PRR16: variants seen among roughly 807,000 people sequenced by gnomAD.
The protein encoded by PRR16 is proline rich 16, also known as protein Largen.
Under a neutral mutation model 18.2 loss-of-function variants are expected in PRR16, and 6 were observed. The observed-to-expected ratio is 0.33, with a 90% CI of 0.18 to 0.65. The LOEUF (loss-of-function observed/expected upper bound fraction) is 0.65, where lower values mean the gene tolerates loss of function less well. Ranked by LOEUF, PRR16 falls within the 30% of genes least tolerant of loss-of-function variation. The pLI is 0.74. For missense variants in PRR16, 412 were observed against 376.6 expected, an observed-to-expected ratio of 1.09 and a Z score of -0.78; for synonymous variants, 151 against 147.8, an observed-to-expected ratio of 1.02 and a Z score of -0.16.
chr5:120,516,782 AT>A (rs1003169794), intron 1 of PRR16, among the ~76,000 whole-genome samples: 3 of 152,150 alleles, frequency 2.0e-5, no homozygotes, highest in African/African-American at 7.2e-5. Context: ...AGGCAGAGAT[AT>A]TTTGCACCAT....
the PRR16 span, among the ~76,000 whole-genome samples, chr5:120,754,552 A>G: frequency 1.3e-5 from 1 of 74,340 alleles, no homozygotes; most frequent in East Asian, 5.2e-4. Context: ...ATTATATATA[A>G]TATATATTAT....
the PRR16 span, among the ~76,000 whole-genome samples, chr5:120,758,661 T>C: frequency 6.6e-6 from 1 of 152,054 alleles, no homozygotes; most frequent in Non-Finnish European, 1.5e-5. Flanking sequence ...ACTCTCTCTC[T>C]CCTGCTGCCA....
chr5:120,682,230 T>G, intron 1 of PRR16, among the ~76,000 whole-genome samples: 1 of 152,194 alleles, frequency 6.6e-6, no homozygotes, highest in Non-Finnish European at 1.5e-5. Context: ...TGAACCACTC[T>G]TCTGCCAGTA....
chr5:120,589,797 A>G (rs959591026), intron 1 of PRR16, among the ~76,000 whole-genome samples: 3 of 152,138 alleles, frequency 2.0e-5, no homozygotes, highest in African/African-American at 7.2e-5. Flanking sequence ...ACACGTAGGA[A>G]TTATGGGAAT....
chr5:120,636,903 C>T (rs1044983223), intron 1 of PRR16, among the ~76,000 whole-genome samples: 1 of 151,966 alleles, frequency 6.6e-6, no homozygotes, highest in East Asian at 1.9e-4. Context: ...CAATAAAGAA[C>T]TAAAATCCAG....
chr5:120,657,069 T>C (rs1756004444), intron 1 of PRR16, among the ~76,000 whole-genome samples: 1 of 152,014 alleles, frequency 6.6e-6, no homozygotes. Context: ...TATTTTTATA[T>C]ATGGAAAAAT....
At chr5:120,632,236 C>G (rs1755081043) in intron 1 of PRR16, among the ~76,000 whole-genome samples, 1 of 152,114 alleles carries the variant, frequency 6.6e-6, no homozygotes, top group African/African-American at 2.4e-5. Flanking sequence ...ATCTGAACAG[C>G]AACCCAGATC....
chr5:120,737,182 G>T, the PRR16 span, among the ~76,000 whole-genome samples: 3 of 152,054 alleles, frequency 2.0e-5, no homozygotes, highest in Non-Finnish European at 4.4e-5. Context: ...GGACATCCTT[G>T]CTTTAGTCCT....
chr5:120,570,234 C>T (rs1200176514), intron 1 of PRR16, among the ~76,000 whole-genome samples: 1 of 152,082 alleles, frequency 6.6e-6, no homozygotes, highest in South Asian at 2.1e-4. Flanking sequence ...ACCAGTGATA[C>T]CTGTGGATAG....
the PRR16 span, among the ~76,000 whole-genome samples, chr5:120,705,010 A>G: frequency 6.6e-6 from 1 of 152,124 alleles, no homozygotes; most frequent in Non-Finnish European, 1.5e-5. Flanking sequence ...TAGAGTGGGA[A>G]ATATATGACT....
rs947946273 is a variant in PRR16, at chr5:120,553,400, G to A, written c.159+88755G>A. Among the ~76,000 whole-genome samples the A allele has an allele frequency of 3.3e-5, 5 of 151,848 alleles. No homozygotes were observed. In the South Asian group the frequency reaches 8.3e-4, roughly 25 times the overall value. On this transcript the variant is annotated intron_variant, in intron 1 of 1. Coordinates refer to ENST00000407149, the MANE Select transcript of PRR16 (RefSeq NM_001300783.2). ...ATAATCTTTCCAAATAATGATGCAT[G>A]CAGGCCTGAATTTTGGCAGCTTCTT...
At chr5:120,695,721 TC>T in the PRR16 span, among the ~76,000 whole-genome samples, 1 of 152,070 alleles carries the variant, frequency 6.6e-6, no homozygotes, top group African/African-American at 2.4e-5. Flanking sequence ...CTTAATAATC[TC>T]CCAATCTAGC....
chr5:120,528,871 A>G (rs911199124), intron 1 of PRR16, among the ~76,000 whole-genome samples: 1 of 152,194 alleles, frequency 6.6e-6, no homozygotes, highest in African/African-American at 2.4e-5. Context: ...ACAAATATCT[A>G]GAATAGTTTT....
At chr5:120,563,622 C>T (rs978931809) in intron 1 of PRR16, among the ~76,000 whole-genome samples, 1 of 152,170 alleles carries the variant, frequency 6.6e-6, no homozygotes, top group African/African-American at 2.4e-5. Flanking sequence ...ATGTTTAAGA[C>T]TCACCATGGG....
the PRR16 span, among the ~76,000 whole-genome samples, chr5:120,772,359 C>A: frequency 1.3e-5 from 2 of 152,008 alleles, no homozygotes; most frequent in Non-Finnish European, 2.9e-5. Flanking sequence ...CATCTGTAAT[C>A]TTTAATCTCT....
the PRR16 span, among the ~76,000 whole-genome samples, chr5:120,778,531 G>A: frequency 2.0e-5 from 3 of 152,016 alleles, no homozygotes; most frequent in Non-Finnish European, 4.4e-5. Flanking sequence ...GAATAGAGAC[G>A]CCGTCTTGAA....
At chr5:120,756,615 C>T in the PRR16 span, among the ~76,000 whole-genome samples, 1 of 151,728 alleles carries the variant, frequency 6.6e-6, no homozygotes, top group South Asian at 2.1e-4. Flanking sequence ...CTGTTCATGT[C>T]TTTTGCCCAT....
intron 1 of PRR16, among the ~76,000 whole-genome samples, chr5:120,559,761 CATT>C (rs1364295796): frequency 6.6e-6 from 1 of 151,858 alleles, no homozygotes; most frequent in Non-Finnish European, 1.5e-5. Flanking sequence ...AACATTTTAA[CATT>C]GTTGATTCTT....
rs1580884011 is a variant in PRR16, at chr5:120,686,897, G to T, written c.*188G>T. 3 of 414,180 alleles carry T rather than the reference G, an allele frequency of 7.2e-6. No homozygotes were observed. In the East Asian group the frequency reaches 1.1e-4, roughly 15 times the overall value. 25.7% of individuals were successfully genotyped at this position (414,180 alleles called of 1,614,324 possible). On this transcript the variant is annotated 3_prime_UTR_variant, in exon 2 of 2. Coordinates refer to ENST00000407149, the MANE Select transcript of PRR16 (RefSeq NM_001300783.2). Reference sequence around the variant, plus strand: ...ATCCTGGGTATGCATTATTTTAAATGTTGTATCATTAAAAACCTCAGAATG... The same window carrying T: ...ATCCTGGGTATGCATTATTTTAAATTTTGTATCATTAAAAACCTCAGAATG...
Sources: gnomAD v4.1 joint callset for allele counts (sites outside exome capture counted in the v4.1 genomes callset) on GRCh38, gnomAD v4.1.1 for gene constraint, MANE v1.5 for transcripts, NCBI Gene and HGNC (gene_info 2026-07-23, HGNC 2026-07-21) for gene names.